Variants in DAB1 observed in about 807,000 individuals in gnomAD.
DAB1 encodes disabled homolog 1.
Under a neutral mutation model 64.6 loss-of-function variants are expected in DAB1, and 15 were observed. That is an observed-to-expected ratio of 0.23 (90% CI 0.16 to 0.36). The LOEUF is 0.36. Among genes scored for constraint, DAB1 ranks in the 10% least tolerant of loss-of-function variants. DAB1 has a pLI of 1.00. For synonymous variants in DAB1, 235 were observed against 251.9 expected (o/e 0.93, Z 0.64); for missense variants, 596 against 706.7 (o/e 0.84, Z 1.78).
rs1367473036 is a variant in DAB1, at chr1:58,132,093, G to T, written n.387+18418C>A. On this transcript the variant is annotated intron_variant and non_coding_transcript_variant, in intron 5 of 20. Transcript: ENST00000485760. Reference sequence around the variant, plus strand: ...CTTGCAGTTTGATCTCAGACTGCTGGGCTAGCAATCAGCGAGACTCCGTGG... The same window carrying T: ...CTTGCAGTTTGATCTCAGACTGCTGTGCTAGCAATCAGCGAGACTCCGTGG... Among the ~76,000 whole-genome samples, 4 of 152,238 alleles carry T rather than the reference G, an allele frequency of 2.6e-5. No homozygotes were observed. In the East Asian group the frequency reaches 7.8e-4, roughly 30 times the overall value.
intron 4 of DAB1, among the ~76,000 whole-genome samples, chr1:58,204,468 G>A (rs1658157383): frequency 6.6e-6 from 1 of 152,174 alleles, no homozygotes; most frequent in African/African-American, 2.4e-5. Context: ...TACTTGAGAG[G>A]TGTTCCCCAG....
intron 2 of DAB1, among the ~76,000 whole-genome samples, chr1:57,203,304 T>G (rs1161154738): frequency 6.6e-6 from 1 of 152,184 alleles, no homozygotes; most frequent in Admixed American, 6.5e-5. Flanking sequence ...TTCCTCAGCT[T>G]CTCCATTAAG....
intron 4 of DAB1, among the ~76,000 whole-genome samples, chr1:58,222,793 A>G (rs1225414374): frequency 6.6e-6 from 1 of 152,230 alleles, no homozygotes; most frequent in Non-Finnish European, 1.5e-5. Flanking sequence ...TTTAAATAAC[A>G]CTAGTTATTA....
intron 6 of DAB1, among the ~76,000 whole-genome samples, chr1:57,727,612 A>T (rs1303683456): frequency 6.6e-6 from 1 of 152,162 alleles, no homozygotes; most frequent in Admixed American, 6.5e-5. Flanking sequence ...ATTGAGAGAT[A>T]AATCTTGCTG....
chr1:57,758,285 A>G (rs1648911409), intron 6 of DAB1, among the ~76,000 whole-genome samples: 1 of 152,104 alleles, frequency 6.6e-6, no homozygotes, highest in African/African-American at 2.4e-5. Context: ...ACCAGAAGAG[A>G]CTGAGGCTCA....
chr1:58,452,000 C>T (rs1645142528), intron 3 of DAB1, among the ~76,000 whole-genome samples: 1 of 151,422 alleles, frequency 6.6e-6, no homozygotes, highest in East Asian at 1.9e-4. Flanking sequence ...TCACTGCAAC[C>T]TTTGTGCCCC....
At chr1:58,211,343 C>A (rs1446636081) in intron 4 of DAB1, among the ~76,000 whole-genome samples, 1 of 152,168 alleles carries the variant, frequency 6.6e-6, no homozygotes, top group Non-Finnish European at 1.5e-5. Context: ...ATATGTCAGT[C>A]TATTCAGTTC....
intron 5 of DAB1, among the ~76,000 whole-genome samples, chr1:58,017,109 C>T (rs1472101104): frequency 6.6e-6 from 1 of 151,952 alleles, no homozygotes; most frequent in Non-Finnish European, 1.5e-5. Flanking sequence ...CCCAGGTTCT[C>T]CTCATTACCT....
At chr1:57,854,898 T>G (rs1653685256) in intron 1 of DAB1, among the ~76,000 whole-genome samples, 1 of 152,132 alleles carries the variant, frequency 6.6e-6, no homozygotes, top group Non-Finnish European at 1.5e-5. Context: ...GATACAAATC[T>G]CCAAAGACAA....
At chr1:58,078,298 A>G (rs759349416) in intron 5 of DAB1, among the ~76,000 whole-genome samples, 5 of 152,244 alleles carry the variant, frequency 3.3e-5, no homozygotes, top group Admixed American at 1.3e-4. Context: ...TCTTTGATTA[A>G]TTAGCCCAGT....
intron 3 of DAB1, among the ~76,000 whole-genome samples, chr1:58,455,198 G>C (rs182903562): frequency 1.3e-5 from 2 of 152,354 alleles, no homozygotes; most frequent in Admixed American, 1.3e-4. Flanking sequence ...GCCAGGGGCT[G>C]ATGCATTTAA....
intron 5 of DAB1, among the ~76,000 whole-genome samples, chr1:58,107,937 CAG>C (rs1491291890): frequency 1.3e-5 from 2 of 151,936 alleles, no homozygotes; most frequent in African/African-American, 4.8e-5. Flanking sequence ...GTTTTAAACA[CAG>C]GGAAAAAAAT....
At chr1:57,204,449 T>A (rs61765583) in intron 2 of DAB1, among the ~76,000 whole-genome samples, 3,167 of 104,210 alleles carry the variant, frequency 0.03, 110 homozygotes, top group African/African-American at 0.11. Context: ...CTGGTCTAGA[T>A]TTAAAAAAAA....
intron 4 of DAB1, among the ~76,000 whole-genome samples, chr1:57,105,770 C>T (rs964740946): frequency 2.8e-4 from 42 of 152,278 alleles, no homozygotes; most frequent in African/African-American, 8.4e-4. Context: ...TTTTCCTTAA[C>T]GTTTTCTTCT....
At chr1:57,046,704 C>T (rs1427397594) in intron 9 of DAB1, among the ~76,000 whole-genome samples, 8 of 152,152 alleles carry the variant, frequency 5.3e-5, no homozygotes, top group Admixed American at 2.0e-4. Context: ...ACAGATACCC[C>T]TGAATCACAT....
chr1:58,062,790 G>A (rs976097084), intron 5 of DAB1, among the ~76,000 whole-genome samples: 1 of 152,156 alleles, frequency 6.6e-6, no homozygotes, highest in Non-Finnish European at 1.5e-5. Flanking sequence ...CACCATGCTC[G>A]CCCTCACACA....
At chr1:58,007,054 GATGGAAT>G (rs1215402593) in intron 5 of DAB1, among the ~76,000 whole-genome samples, 1 of 152,108 alleles carries the variant, frequency 6.6e-6, no homozygotes, top group African/African-American at 2.4e-5. Context: ...CTCTGATAGT[GATGGAAT>G]GCACCCCCAT....
At chr1:57,742,303 T>C (rs1052180509) in intron 6 of DAB1, among the ~76,000 whole-genome samples, 3 of 152,132 alleles carry the variant, frequency 2.0e-5, no homozygotes, top group Non-Finnish European at 1.5e-5. Context: ...AATAAAAATA[T>C]AAAAGTAGAT....
At chr1:57,982,278 A>T (rs1557593618) in intron 5 of DAB1, among the ~76,000 whole-genome samples, 2 of 152,198 alleles carry the variant, frequency 1.3e-5, no homozygotes, top group Admixed American at 1.3e-4. Flanking sequence ...TTAGAACAGA[A>T]CCCATTTTAG....
Sources: gnomAD v4.1 joint callset for allele counts (sites outside exome capture counted in the v4.1 genomes callset) on GRCh38, gnomAD v4.1.1 for gene constraint, MANE v1.5 for transcripts, NCBI Gene and HGNC (gene_info 2026-07-23, HGNC 2026-07-21) for gene names.